SOX11: variants seen among roughly 807,000 people sequenced by gnomAD.
SOX11 encodes SRY-box transcription factor 11.
A neutral mutation model predicts 16.7 loss-of-function variants in SOX11; 5 were observed. The ratio of observed to expected loss-of-function variants is 0.30; its 90% CI spans 0.16 to 0.63. SOX11 has a LOEUF of 0.63. Among genes scored for constraint, SOX11 ranks in the 20% least tolerant of loss-of-function variants. SOX11 has a pLI of 0.82. For missense variants in SOX11, 492 were observed against 641.5 expected (o/e 0.77, Z 2.52); for synonymous variants, 363 against 298.8 (o/e 1.21, Z -2.22).
In SOX11 at chr2:5,701,349, T is replaced by A. The variant is rs939964588; in HGVS notation, c.*7302T>A. ...GTTTTTCACAGAGGATTACATTTGT[T>A]CAAAAGACTCTAATAAAATTGTGTG... On this transcript the variant is annotated 3_prime_UTR_variant, in exon 1 of 1. Transcript: ENST00000322002. 6.0e-6 allele frequency: 1 copy of A among 167,022 alleles called. No homozygotes were observed. The highest frequency in any genetic ancestry group is 2.4e-5 in the African/African-American group (1 of 41,430). The allele number at this position is 167,022 out of a possible 1,614,324, so 10.3% of individuals were successfully genotyped here. A position where few individuals can be genotyped will look rare whatever the true frequency, so the allele number is the denominator to read the frequency against.
rs1665825223 is a variant in SOX11 at position 5,700,781 on chromosome 2, G to C, written c.*6734G>C. The C allele has an allele frequency of 1.2e-5, 2 of 167,004 alleles. No homozygotes were observed. The highest frequency in any genetic ancestry group is 4.1e-4 in the South Asian group (2 of 4,822). The allele number at this position is 167,004 out of a possible 1,614,324, so 10.3% of individuals were successfully genotyped here. A position where few individuals can be genotyped will look rare whatever the true frequency, so the allele number is the denominator to read the frequency against. On this transcript the variant is annotated 3_prime_UTR_variant, in exon 1 of 1. Transcript: ENST00000322002. ...GACGGCCACCAGGACAGAACCACCT[G>C]ATGTTTTAGAGCAGTTTTCAGCATG...
rs1177402863 is a variant in SOX11, at chr2:5,696,464, T to TG, written c.*2419dup. Reference sequence around the variant, plus strand: ...CCGGCCGAGGGCACCCCGAGGAACATGGCATGGCCTCTGTGCGATCCGAGT... The same window carrying TG: ...CCGGCCGAGGGCACCCCGAGGAACATGGGCATGGCCTCTGTGCGATCCGAGT... On this transcript the variant is annotated 3_prime_UTR_variant, in exon 1 of 1. Transcript: ENST00000322002. 1.3e-5 allele frequency: 2 copies of TG among 155,794 alleles called. No individual in the cohort carries two copies. The highest frequency in any genetic ancestry group is 3.9e-4 in the East Asian group (2 of 5,114). 9.7% of individuals were successfully genotyped at this position (155,794 alleles called of 1,614,324 possible).
In SOX11 at chr2:5,698,733, G is replaced by A. The variant is rs1446577965; in HGVS notation, c.*4686G>A. On this transcript the variant is annotated 3_prime_UTR_variant, in exon 1 of 1. Transcript: ENST00000322002. ...ATGTTTCTTTTTAATGTTAATCAAG[G>A]GGAAGTGATTTAAATATGCATAAAT... 6.0e-6 allele frequency: 1 copy of A among 166,976 alleles called. No individual in the cohort carries two copies. Among genetic ancestry groups the A allele is most frequent in the Non-Finnish European group, 1.5e-5 (1 of 68,092 alleles). The allele number at this position is 166,976 out of a possible 1,614,324, so 10.3% of individuals were successfully genotyped here. A position where few individuals can be genotyped will look rare whatever the true frequency, so the allele number is the denominator to read the frequency against.
rs935874521 is a variant in SOX11, at chr2:5,700,932, C to A, written c.*6885C>A. The A allele has an allele frequency of 1.8e-5, 3 of 166,434 alleles. No individual in the cohort carries two copies. Among genetic ancestry groups the A allele is most frequent in the East Asian group, 1.9e-4 (1 of 5,180 alleles). The allele number at this position is 166,434 out of a possible 1,614,324, so 10.3% of individuals were successfully genotyped here. On this transcript the variant is annotated 3_prime_UTR_variant, in exon 1 of 1. Coordinates refer to ENST00000322002, the MANE Select transcript of SOX11 (RefSeq NM_003108.4). ...AAGTCTGAGTGGTTTGTGGGGGGGACCTTTTTTAGAGTTTGCATGCCAGCG... is the reference window on the plus strand; with the variant it reads ...AAGTCTGAGTGGTTTGTGGGGGGGAACTTTTTTAGAGTTTGCATGCCAGCG...
chr2:5,698,551 T>TA lies in SOX11; in HGVS notation c.*4518dup, dbSNP rs10570865. On this transcript the variant is annotated 3_prime_UTR_variant, in exon 1 of 1. Transcript: ENST00000322002. ...CACTCTGATACGCATCCCTTTTATT[T>TA]AAAAAAAAAAAAAATGCTAATAAAA... is the stretch of plus-strand genomic sequence containing the variant. The TA allele has an allele frequency of 0.066, 10,745 of 162,984 alleles. 348 individuals are homozygous for TA. The highest frequency in any genetic ancestry group is 0.078 in the Non-Finnish European group (5,230 of 67,070). 10.1% of individuals were successfully genotyped at this position (162,984 alleles called of 1,614,324 possible).
In SOX11 at chr2:5,695,016, T is replaced by C. The variant is rs1665704898; in HGVS notation, c.*969T>C. Reference sequence around the variant, plus strand: ...TTAAAAATTAATATATTTTCAGGCGTATTTTTGTACAGTGAAAAGGGAACA... The same window carrying C: ...TTAAAAATTAATATATTTTCAGGCGCATTTTTGTACAGTGAAAAGGGAACA... On this transcript the variant is annotated 3_prime_UTR_variant, in exon 1 of 1. Coordinates refer to ENST00000322002, the MANE Select transcript of SOX11 (RefSeq NM_003108.4). 1 of 166,964 alleles carries C rather than the reference T, an allele frequency of 6.0e-6. No individual in the cohort carries two copies. Among genetic ancestry groups the C allele is most frequent in the African/African-American group, 2.4e-5 (1 of 41,446 alleles). The allele number at this position is 166,964 out of a possible 1,614,324, so 10.3% of individuals were successfully genotyped here. A position where few individuals can be genotyped will look rare whatever the true frequency, so the allele number is the denominator to read the frequency against.
Position 5,697,339 on chromosome 2 carries a change from A to G in SOX11, c.*3292A>G, listed in dbSNP as rs911463943. ...TTTTTACTGAGATTTGGCGAGACCG[A>G]ATGGAAGCGTCCGCACAGTAACTGC... On this transcript the variant is annotated 3_prime_UTR_variant, in exon 1 of 1. Coordinates refer to ENST00000322002, the MANE Select transcript of SOX11 (RefSeq NM_003108.4). 4 of 167,060 alleles carry G rather than the reference A, an allele frequency of 2.4e-5. No homozygotes were observed. The Admixed American group carries it at 2.6e-4, about 11-fold the overall frequency. 10.3% of individuals were successfully genotyped at this position (167,060 alleles called of 1,614,324 possible). A position where few individuals can be genotyped will look rare whatever the true frequency, so the allele number is the denominator to read the frequency against.
rs542913718 is a variant in SOX11, at chr2:5,698,193, T to C, written c.*4146T>C. On this transcript the variant is annotated 3_prime_UTR_variant, in exon 1 of 1. Coordinates refer to ENST00000322002, the MANE Select transcript of SOX11 (RefSeq NM_003108.4). ...GAGTGCGTTGTGAGAATCATCTTAA[T>C]GAATTCTTTATTGAGTGTCTAAAAC... The C allele has an allele frequency of 6.0e-6, 1 of 167,266 alleles. No homozygotes were observed. Among genetic ancestry groups the C allele is most frequent in the Non-Finnish European group, 1.5e-5 (1 of 68,124 alleles). The allele number at this position is 167,266 out of a possible 1,614,324, so 10.4% of individuals were successfully genotyped here.
rs866405901 is a variant in SOX11 at position 5,699,742 on chromosome 2, A to T, written c.*5695A>T. 4.1e-5 allele frequency: 6 copies of T among 147,646 alleles called. No homozygotes were observed. In the Middle Eastern group the frequency reaches 0.012, roughly 298 times the overall value. 9.1% of individuals were successfully genotyped at this position (147,646 alleles called of 1,614,324 possible). On this transcript the variant is annotated 3_prime_UTR_variant, in exon 1 of 1. Transcript: ENST00000322002. Reference sequence around the variant, plus strand: ...TTTTTTTTTTTCCTTGATTCCTACCATACCTTCGTTTTTTTCATTGTACTT... The same window carrying T: ...TTTTTTTTTTTCCTTGATTCCTACCTTACCTTCGTTTTTTTCATTGTACTT...
Position 5,693,679 on chromosome 2 carries a change from A to C in SOX11, c.958A>C (p.Lys320Gln), listed in dbSNP as rs1355953682. Residue 320 changes from lysine (K) to glutamine (Q), a missense_variant, in exon 1 of 1, where the codon AAG (lysine) becomes CAG (glutamine). Coordinates refer to ENST00000322002, the MANE Select transcript of SOX11 (RefSeq NM_003108.4). The surrounding 1 kb of genome is among the most constrained non-coding windows in gnomAD (Gnocchi z 8.6). ...RLYYSFKNIT[K>Q]QHPPPLAQPA... The stretch of plus-strand genomic sequence containing the variant: ...CTACTACAGCTTCAAGAACATCACC[A>C]AGCAGCACCCGCCGCCGCTCGCGCA... 6.3e-7 allele frequency: 1 copy of C among 1,598,820 alleles called. No homozygotes were observed. Among genetic ancestry groups the C allele is most frequent in the Non-Finnish European group, 8.5e-7 (1 of 1,177,886 alleles).
rs973746157 is a variant in SOX11 at position 5,699,914 on chromosome 2, C to T, written c.*5867C>T. On this transcript the variant is annotated 3_prime_UTR_variant, in exon 1 of 1. Transcript: ENST00000322002. Reference sequence around the variant, plus strand: ...ATTTTAAAGGAGACCTATTTTTATACTCAATAAAAGCACAAAAGTGCAGAA... The same window carrying T: ...ATTTTAAAGGAGACCTATTTTTATATTCAATAAAAGCACAAAAGTGCAGAA... 1.2e-5 allele frequency: 2 copies of T among 166,932 alleles called. No individual in the cohort carries two copies. Among genetic ancestry groups the T allele is most frequent in the African/African-American group, 4.8e-5 (2 of 41,438 alleles). The allele number at this position is 166,932 out of a possible 1,614,324, so 10.3% of individuals were successfully genotyped here. A position where few individuals can be genotyped will look rare whatever the true frequency, so the allele number is the denominator to read the frequency against.
At position 5,693,230 on chromosome 2, in the gene SOX11, T is replaced by TCAAGGCCCCCGCGGCCGCGGGCGC. The variant is rs1665667292; in HGVS notation, c.516_539dup (p.Pro173_Ala180dup). ...GGCTCCAGCAAGAAATGCGGCAAGC[T>TCAAGGCCCCCGCGGCCGCGGGCGC]CAAGGCCCCCGCGGCCGCGGGCGCC... On this transcript the variant is annotated inframe_insertion, in exon 1 of 1. Coordinates refer to ENST00000322002, the MANE Select transcript of SOX11 (RefSeq NM_003108.4). The surrounding 1 kb of genome is among the most constrained non-coding windows in gnomAD (Gnocchi z 8.6). 4 of 1,408,734 alleles carry TCAAGGCCCCCGCGGCCGCGGGCGC rather than the reference T, an allele frequency of 2.8e-6. No individual in the cohort carries two copies. The highest frequency in any genetic ancestry group is 3.1e-5 in the African/African-American group (2 of 64,278). 87.3% of individuals were successfully genotyped at this position (1,408,734 alleles called of 1,614,324 possible).
chr2:5,693,249 G>C lies in SOX11; in HGVS notation c.528G>C (p.Ala176=), dbSNP rs1401212310. The change falls in exon 1 of 1, where the codon GCG becomes GCC. Residue 176 remains alanine (A), a synonymous_variant. Transcript: ENST00000322002. The surrounding 1 kb of genome is among the most constrained non-coding windows in gnomAD (Gnocchi z 8.6). Reference sequence around the variant, plus strand: ...GCAAGCTCAAGGCCCCCGCGGCCGCGGGCGCCAAGGCGGGCGCGGGCAAGG... The same window carrying C: ...GCAAGCTCAAGGCCCCCGCGGCCGCCGGCGCCAAGGCGGGCGCGGGCAAGG... ...KCGKLKAPAA[A]GAKAGAGKAA... is the part of the protein sequence containing the mutation. The C allele has an allele frequency of 7.3e-7, 1 of 1,378,336 alleles. No homozygotes were observed. Among genetic ancestry groups the C allele is most frequent in the Middle Eastern group, 2.2e-4 (1 of 4,554 alleles). 85.4% of individuals were successfully genotyped at this position (1,378,336 alleles called of 1,614,324 possible). A position where few individuals can be genotyped will look rare whatever the true frequency, so the allele number is the denominator to read the frequency against.
In SOX11 at chr2:5,693,930, C is replaced by T. The variant is rs1208145337; in HGVS notation, c.1209C>T (p.Ser403=). 6.4e-7 allele frequency: 1 copy of T among 1,551,564 alleles called. No homozygotes were observed. Among genetic ancestry groups the T allele is most frequent in the Middle Eastern group, 1.7e-4 (1 of 5,992 alleles). Residue 403 remains serine (S), a synonymous_variant, in exon 1 of 1, where the codon AGC becomes AGT. Transcript: ENST00000322002. This position sits in a 1 kb window ranked among gnomAD's most constrained non-coding sequence, Gnocchi z 8.6. The stretch of plus-strand genomic sequence containing the variant: ...TGGATAAGGATTTGGATTCGTTCAG[C>T]GAGGGCAGCCTGGGCTCCCACTTCG... The part of the protein sequence containing the change: ...SLVDKDLDSF[S]EGSLGSHFEF...
chr2:5,701,042 G>A lies in SOX11; in HGVS notation c.*6995G>A. 3 of 166,910 alleles carry A rather than the reference G, an allele frequency of 1.8e-5. No individual in the cohort carries two copies. The allele number at this position is 166,910 out of a possible 1,614,324, so 10.3% of individuals were successfully genotyped here. On this transcript the variant is annotated 3_prime_UTR_variant, in exon 1 of 1. Coordinates refer to ENST00000322002, the MANE Select transcript of SOX11 (RefSeq NM_003108.4). Reference sequence around the variant, plus strand: ...GATGAAGTGTTTGATAGCACTAGGGGGGAAAGAAAATGCATGGCAAAGTTT... The same window carrying A: ...GATGAAGTGTTTGATAGCACTAGGGAGGAAAGAAAATGCATGGCAAAGTTT...
rs561554498 is a variant in SOX11, at chr2:5,698,379, C to A, written c.*4332C>A. ...GGGTGGCGGGTGGGTGCTGTGTGCA[C>A]GGCAGCCTAGCCAGTGGGGATCCTG... On this transcript the variant is annotated 3_prime_UTR_variant, in exon 1 of 1. Coordinates refer to ENST00000322002, the MANE Select transcript of SOX11 (RefSeq NM_003108.4). 1.2e-5 allele frequency: 2 copies of A among 166,948 alleles called. No homozygotes were observed. The highest frequency in any genetic ancestry group is 4.8e-5 in the African/African-American group (2 of 41,408). 10.3% of individuals were successfully genotyped at this position (166,948 alleles called of 1,614,324 possible).
At position 5,693,474 on chromosome 2, in the gene SOX11, G is replaced by T. The variant is rs1361239969; in HGVS notation, c.753G>T (p.Pro251=). 3.8e-6 allele frequency: 6 copies of T among 1,586,806 alleles called. No individual in the cohort carries two copies. The highest frequency in any genetic ancestry group is 3.4e-5 in the South Asian group (3 of 89,506). Residue 251 remains proline, a synonymous_variant, in exon 1 of 1, where the codon CCG becomes CCT. Coordinates refer to ENST00000322002, the MANE Select transcript of SOX11 (RefSeq NM_003108.4). This position sits in a 1 kb window ranked among gnomAD's most constrained non-coding sequence, Gnocchi z 8.6. Reference sequence around the variant, plus strand: ...CGGACGAGGAGGACGAGGAACCACCGCACCAGCAGCTCCTGCAGCCGCCGG... The same window carrying T: ...CGGACGAGGAGGACGAGGAACCACCTCACCAGCAGCTCCTGCAGCCGCCGG... ...QEPDEEDEEP[P]HQQLLQPPGQ... is the part of the protein sequence containing the mutation.
In SOX11 at chr2:5,696,987, T is replaced by G. The variant is rs957815462; in HGVS notation, c.*2940T>G. ...CCCCGCTCGCTGAACCCCGTTTGCC[T>G]GTCCACACCCCCTCGCTCCCCACCA... On this transcript the variant is annotated 3_prime_UTR_variant, in exon 1 of 1. Coordinates refer to ENST00000322002, the MANE Select transcript of SOX11 (RefSeq NM_003108.4). 1.3e-5 allele frequency: 2 copies of G among 156,280 alleles called. No individual in the cohort carries two copies. The highest frequency in any genetic ancestry group is 4.8e-5 in the African/African-American group (2 of 41,426). 9.7% of individuals were successfully genotyped at this position (156,280 alleles called of 1,614,324 possible). A position where few individuals can be genotyped will look rare whatever the true frequency, so the allele number is the denominator to read the frequency against.
Position 5,693,840 on chromosome 2 carries a change from G to A in SOX11, c.1119G>A (p.Ala373=), listed in dbSNP as rs753364674. The change falls in exon 1 of 1, where the codon GCG becomes GCA. Residue 373 remains alanine, a synonymous_variant. Transcript: ENST00000322002. The surrounding 1 kb of genome is among the most constrained non-coding windows in gnomAD (Gnocchi z 8.6). The part of the protein sequence containing the change: ...FDLSLNFSQS[A]HSASEQQLGG... Reference sequence around the variant, plus strand: ...TGAGCTTGAATTTCTCTCAAAGCGCGCACAGCGCCAGCGAGCAGCAGCTGG... The same window carrying A: ...TGAGCTTGAATTTCTCTCAAAGCGCACACAGCGCCAGCGAGCAGCAGCTGG... 2 of 1,551,128 alleles carry A rather than the reference G, an allele frequency of 1.3e-6. No homozygotes were observed. The highest frequency in any genetic ancestry group is 1.4e-5 in the African/African-American group (1 of 73,088).
Sources: allele counts gnomAD v4.1 joint callset, GRCh38; gene constraint gnomAD v4.1.1; non-coding constraint Gnocchi (gnomAD v3.1); transcripts MANE v1.5; gene names NCBI Gene and HGNC (gene_info 2026-07-23, HGNC 2026-07-21).